The following SYNPO2 variants were observed in gnomAD, a reference collection of about 807,000 sequenced individuals.
SYNPO2 encodes the protein synaptopodin-2.
In SYNPO2, 56 loss-of-function variants were observed where a neutral mutation model predicts 85.0. The ratio of observed to expected loss-of-function variants is 0.66; its 90% confidence interval spans 0.53 to 0.82. SYNPO2 has a LOEUF of 0.82. Among genes scored for constraint, SYNPO2 ranks in the 40% least tolerant of loss-of-function variants. The pLI, the probability that SYNPO2 is intolerant of heterozygous loss-of-function variation, is 0.00. For missense variants in SYNPO2, 1,575 were observed against 1,534.2 expected, an observed-to-expected ratio of 1.03 and a Z score of -0.44; for synonymous variants, 602 against 591.1, an observed-to-expected ratio of 1.02 and a Z score of -0.27.
In SYNPO2 at chr4:119,058,035, C is replaced by G; in HGVS notation, c.*101C>G. 7.5e-7 allele frequency: 1 copy of G among 1,331,336 alleles called. No homozygotes were observed. The highest frequency in any genetic ancestry group is 1.0e-6 in the Non-Finnish European group (1 of 985,212). 82.5% of individuals were successfully genotyped at this position (1,331,336 alleles called of 1,614,324 possible). ...TAATAGATTTAGATTCACTTTTGGT[C>G]TTGGCTTGTTCTCATAAGTCATTTA... On this transcript the variant is annotated 3_prime_UTR_variant, in exon 5 of 5. Transcript: ENST00000307142.
At chr4:118,916,707 T>A (rs1192790838) in intron 1 of SYNPO2, among the ~76,000 whole-genome samples, 3 of 150,388 alleles carry the variant, frequency 2.0e-5, no homozygotes. Context: ...TTCTTCTTCC[T>A]CTTCCTCTTT....
intron 4 of SYNPO2, among the ~76,000 whole-genome samples, chr4:119,046,261 T>C (rs1050596170): frequency 2.6e-5 from 4 of 152,252 alleles, no homozygotes; most frequent in Admixed American, 1.3e-4. Context: ...TCCTCCTTCA[T>C]GTTGGTCTTC....
chr4:118,865,459 G>A (rs1731684474), intron 1 of SYNPO2, among the ~76,000 whole-genome samples: 1 of 152,192 alleles, frequency 6.6e-6, no homozygotes, highest in South Asian at 2.1e-4. Flanking sequence ...AAAATCTTGT[G>A]GAGCATATTT....
chr4:119,050,189 A>T (rs1738991799), intron 4 of SYNPO2, among the ~76,000 whole-genome samples: 1 of 152,046 alleles, frequency 6.6e-6, no homozygotes, highest in Admixed American at 6.6e-5. Flanking sequence ...AAAATTAGCC[A>T]ACCATAGTGG....
At chr4:119,054,333 T>G (rs997765916) in intron 4 of SYNPO2, among the ~76,000 whole-genome samples, 1 of 152,150 alleles carries the variant, frequency 6.6e-6, no homozygotes, top group Non-Finnish European at 1.5e-5. Flanking sequence ...TGGCTGCCCT[T>G]CATCCGTGAG....
At chr4:119,039,578 G>A (rs1738643163) in intron 4 of SYNPO2, among the ~76,000 whole-genome samples, 1 of 152,136 alleles carries the variant, frequency 6.6e-6, no homozygotes, top group Non-Finnish European at 1.5e-5. Flanking sequence ...GCGAAGGGAA[G>A]CTCAACATTT....
intron 1 of SYNPO2, among the ~76,000 whole-genome samples, chr4:118,958,375 C>T (rs1438148435): frequency 6.6e-5 from 10 of 152,044 alleles, no homozygotes; most frequent in Non-Finnish European, 1.0e-4. Flanking sequence ...CTTCTTATTT[C>T]GTGTATGAAA....
chr4:118,966,961 C>T (rs1578593834), intron 1 of SYNPO2, among the ~76,000 whole-genome samples: 1 of 152,264 alleles, frequency 6.6e-6, no homozygotes. Flanking sequence ...GTAAGTACAT[C>T]TTTTTCCTCT....
intron 1 of SYNPO2, among the ~76,000 whole-genome samples, chr4:118,954,364 A>G (rs543588966): frequency 3.7e-4 from 56 of 152,176 alleles, no homozygotes; most frequent in African/African-American, 1.3e-3. Context: ...TATGCATGGG[A>G]AAAGTCCTAG....
At chr4:118,926,063 T>C (rs1047855340) in intron 1 of SYNPO2, among the ~76,000 whole-genome samples, 1 of 152,148 alleles carries the variant, frequency 6.6e-6, no homozygotes, top group African/African-American at 2.4e-5. Context: ...AGGAGAAATA[T>C]GGTTGCAGGA....
At chr4:118,900,054 A>C (rs1163285456) in intron 1 of SYNPO2, among the ~76,000 whole-genome samples, 1 of 152,220 alleles carries the variant, frequency 6.6e-6, no homozygotes, top group East Asian at 1.9e-4. Flanking sequence ...GAGCCACCGC[A>C]CCCGGCCTGC....
rs1739385736 is a variant in SYNPO2, at chr4:119,060,736, G to C, written c.*2802G>C. 3 of 152,188 alleles carry C rather than the reference G, an allele frequency of 2.0e-5. No individual in the cohort carries two copies. The South Asian group carries it at 6.2e-4, about 32-fold the overall frequency. 9.4% of individuals were successfully genotyped at this position (152,188 alleles called of 1,614,324 possible). A position where few individuals can be genotyped will look rare whatever the true frequency, so the allele number is the denominator to read the frequency against. On this transcript the variant is annotated 3_prime_UTR_variant, in exon 5 of 5. Coordinates refer to ENST00000307142, the MANE Select transcript of SYNPO2 (RefSeq NM_133477.3). ...GATTAAAAAGCCTTCCCTAAAAAGA[G>C]AGCATGCCAGTCATAGAGACACTAA...
At chr4:118,861,423 A>T (rs1162727871) in intron 1 of SYNPO2, among the ~76,000 whole-genome samples, 1 of 152,172 alleles carries the variant, frequency 6.6e-6, no homozygotes, top group South Asian at 2.1e-4. Flanking sequence ...TGCCGGCCTC[A>T]GCCTCCCAAA....
At chr4:118,877,907 G>A (rs1289741789) in intron 1 of SYNPO2, among the ~76,000 whole-genome samples, 3 of 152,164 alleles carry the variant, frequency 2.0e-5, no homozygotes, top group Non-Finnish European at 4.4e-5. Context: ...ATACATGCAT[G>A]TGAATGTTCG....
chr4:118,944,819 C>T (rs1734442089), intron 1 of SYNPO2, among the ~76,000 whole-genome samples: 1 of 151,992 alleles, frequency 6.6e-6, no homozygotes, highest in South Asian at 2.1e-4. Flanking sequence ...CTGAAAAATA[C>T]CCAGTGGTGG....
At chr4:119,049,345 G>A (rs1738966602) in intron 4 of SYNPO2, among the ~76,000 whole-genome samples, 1 of 152,190 alleles carries the variant, frequency 6.6e-6, no homozygotes, top group Admixed American at 6.5e-5. Flanking sequence ...ATCTGTGTAT[G>A]ATAAAGTATA....
intron 1 of SYNPO2, among the ~76,000 whole-genome samples, chr4:118,995,568 G>A (rs1354877945): frequency 6.6e-6 from 1 of 152,136 alleles, no homozygotes; most frequent in African/African-American, 2.4e-5. Context: ...TTGAACTCAG[G>A]TTGTCTGATT....
chr4:119,058,111 T>TACAC lies in SYNPO2; in HGVS notation c.*193_*196dup, dbSNP rs113611459. The TACAC allele has an allele frequency of 2.3e-5, 10 of 444,134 alleles. No individual in the cohort carries two copies. The highest frequency in any genetic ancestry group is 4.0e-5 in the Admixed American group (1 of 24,834). 27.5% of individuals were successfully genotyped at this position (444,134 alleles called of 1,614,324 possible). The stretch of plus-strand genomic sequence containing the variant: ...GTGTGTGTGTGTATGTATGTGAATA[T>TACAC]ACACACACACACACACACAGGTGAG... On this transcript the variant is annotated 3_prime_UTR_variant, in exon 5 of 5. Coordinates refer to ENST00000307142, the MANE Select transcript of SYNPO2 (RefSeq NM_133477.3).
At chr4:118,947,222 T>G (rs1734534994) in intron 1 of SYNPO2, among the ~76,000 whole-genome samples, 1 of 152,220 alleles carries the variant, frequency 6.6e-6, no homozygotes, top group Non-Finnish European at 1.5e-5. Context: ...TTTTACAGCC[T>G]GATAGGGAAA....
Sources: allele counts gnomAD v4.1 joint callset (sites outside exome capture counted in the v4.1 genomes callset), GRCh38; gene constraint gnomAD v4.1.1; transcripts MANE v1.5; gene names NCBI Gene and HGNC (gene_info 2026-07-23, HGNC 2026-07-21).